The following CNTNAP2 variants were observed in gnomAD, a reference collection of about 807,000 sequenced individuals.
The protein encoded by CNTNAP2 is contactin-associated protein-like 2.
In CNTNAP2, 98 loss-of-function variants were observed where a neutral mutation model predicts 155.2. That is an observed-to-expected ratio of 0.63 (90% CI 0.54 to 0.75). The LOEUF is 0.75. Among genes scored for constraint, CNTNAP2 ranks in the 30% least tolerant of loss-of-function variants. The pLI is 0.00. For synonymous variants in CNTNAP2, 651 were observed against 631.2 expected, an observed-to-expected ratio of 1.03 and a Z score of -0.47; for missense variants, 1,727 against 1,688.1, an observed-to-expected ratio of 1.02 and a Z score of -0.40.
chr7:146,878,164 T>G (rs1795466144), intron 3 of CNTNAP2, among the ~76,000 whole-genome samples: 1 of 152,172 alleles, frequency 6.6e-6, no homozygotes, highest in Non-Finnish European at 1.5e-5. Context: ...AGATATCTTC[T>G]ATTTATTCTT....
intron 11 of CNTNAP2, among the ~76,000 whole-genome samples, chr7:147,509,233 T>C (rs1207535637): frequency 6.6e-6 from 1 of 152,192 alleles, no homozygotes; most frequent in Non-Finnish European, 1.5e-5. Context: ...GCCCCCACTC[T>C]CTGTTCTCCC....
chr7:148,382,250 G>A (rs1433682836), intron 21 of CNTNAP2, among the ~76,000 whole-genome samples: 3 of 152,188 alleles, frequency 2.0e-5, no homozygotes, highest in Non-Finnish European at 2.9e-5. Context: ...GCTGCCACCC[G>A]TGGTTTCTCT....
At chr7:146,407,645 T>A (rs1795811109) in intron 1 of CNTNAP2, among the ~76,000 whole-genome samples, 1 of 152,182 alleles carries the variant, frequency 6.6e-6, no homozygotes, top group African/African-American at 2.4e-5. Context: ...TGCCTCCTAA[T>A]CATCTACTGC....
intron 21 of CNTNAP2, among the ~76,000 whole-genome samples, chr7:148,336,181 C>A (rs1019253134): frequency 6.6e-6 from 1 of 152,128 alleles, no homozygotes; most frequent in Non-Finnish European, 1.5e-5. Flanking sequence ...TTGGTTCTAT[C>A]TTATTTCATA....
chr7:147,832,871 T>G (rs963183032), intron 13 of CNTNAP2, among the ~76,000 whole-genome samples: 2 of 148,550 alleles, frequency 1.3e-5, no homozygotes, highest in African/African-American at 4.9e-5. Context: ...ATTTTATATG[T>G]TATTTATACA....
intron 16 of CNTNAP2, among the ~76,000 whole-genome samples, chr7:148,142,040 G>A (rs1398397361): frequency 2.0e-5 from 3 of 151,528 alleles, no homozygotes; most frequent in African/African-American, 7.3e-5. Context: ...GATAGATAAG[G>A]TCAAAAGAAA....
At chr7:147,949,440 G>GTATACATATATATATATATATA (rs1800883442) in intron 14 of CNTNAP2, among the ~76,000 whole-genome samples, 1 of 127,366 alleles carries the variant, frequency 7.9e-6, no homozygotes, top group Non-Finnish European at 1.7e-5. Flanking sequence ...TCAACTGTGT[G>GTATACATATATATATATATATA]TATATATATA....
intron 10 of CNTNAP2, among the ~76,000 whole-genome samples, chr7:147,402,147 G>C (rs1315486134): frequency 6.6e-6 from 1 of 152,148 alleles, no homozygotes; most frequent in Non-Finnish European, 1.5e-5. Context: ...TGTATATTCG[G>C]TCAACATGGG....
At chr7:147,344,841 C>T (rs1374142570) in intron 9 of CNTNAP2, among the ~76,000 whole-genome samples, 4 of 151,972 alleles carry the variant, frequency 2.6e-5, no homozygotes, top group African/African-American at 9.7e-5. Flanking sequence ...TCATCTGATT[C>T]TTCTGTTGAC....
At chr7:147,883,104 G>C (rs1799547881) in intron 13 of CNTNAP2, among the ~76,000 whole-genome samples, 1 of 152,140 alleles carries the variant, frequency 6.6e-6, no homozygotes. Context: ...TTGTCATTGA[G>C]TGTTGGCTAT....
At chr7:146,797,079 T>C (rs752757516) in intron 2 of CNTNAP2, among the ~76,000 whole-genome samples, 1 of 152,198 alleles carries the variant, frequency 6.6e-6, no homozygotes, top group African/African-American at 2.4e-5. Context: ...GAGCTTGCAG[T>C]GAGCCAAGAT....
intron 13 of CNTNAP2, among the ~76,000 whole-genome samples, chr7:147,874,864 A>G (rs1212282826): frequency 3.9e-5 from 6 of 152,158 alleles, no homozygotes; most frequent in African/African-American, 1.4e-4. Flanking sequence ...TCAAGTTCAA[A>G]GTTCCGCAGA....
chr7:148,320,282 G>GT (rs900267270), intron 21 of CNTNAP2, among the ~76,000 whole-genome samples: 33 of 149,570 alleles, frequency 2.2e-4, no homozygotes, highest in Non-Finnish European at 3.8e-4. Flanking sequence ...TTGTTTGCCT[G>GT]TTTTTTTCTT....
At position 148,136,856 on chromosome 7, in the gene CNTNAP2, A is replaced by G. The variant is rs905099960; in HGVS notation, c.2555-10635A>G. Among the ~76,000 whole-genome samples the G allele has an allele frequency of 2.4e-4, 36 of 152,202 alleles. 1 individual carries two copies. Among genetic ancestry groups the G allele is most frequent in the Admixed American group, 2.4e-3 (36 of 15,266 alleles). The stretch of plus-strand genomic sequence containing the variant: ...ACTAGTCCTAAAAGGGTTCTCACGT[A>G]TTTTATATGCGCAGTCTTTAGGGAG... On this transcript the variant is annotated intron_variant, in intron 16 of 23. Transcript: ENST00000361727.
At chr7:148,056,382 T>G (rs1320711649) in intron 15 of CNTNAP2, 1 of 152,218 alleles carries the variant, frequency 6.6e-6, no homozygotes. Context: ...CAGAAATGTT[T>G]CTATCACTTT....
At chr7:146,615,818 G>A (rs558901850) in intron 1 of CNTNAP2, among the ~76,000 whole-genome samples, 1 of 152,148 alleles carries the variant, frequency 6.6e-6, no homozygotes, top group African/African-American at 2.4e-5. Context: ...GTGGTGTTGG[G>A]TTCCAAAGAT....
chr7:146,201,198 A>G (rs1798854274), intron 1 of CNTNAP2, among the ~76,000 whole-genome samples: 1 of 152,184 alleles, frequency 6.6e-6, no homozygotes, highest in African/African-American at 2.4e-5. Flanking sequence ...ATTAGTGTTA[A>G]TGAAAAGAAA....
At chr7:146,287,706 C>T (rs991418186) in intron 1 of CNTNAP2, among the ~76,000 whole-genome samples, 1 of 152,014 alleles carries the variant, frequency 6.6e-6, no homozygotes, top group East Asian at 1.9e-4. Context: ...TATATTTGAG[C>T]GCATAGAGTT....
intron 3 of CNTNAP2, among the ~76,000 whole-genome samples, chr7:146,898,826 G>T (rs1248005600): frequency 6.6e-6 from 1 of 151,802 alleles, no homozygotes; most frequent in Non-Finnish European, 1.5e-5. Flanking sequence ...GACCTTAAAA[G>T]GGGCCAGCCC....
Sources: allele counts gnomAD v4.1 joint callset (sites outside exome capture counted in the v4.1 genomes callset), GRCh38; gene constraint gnomAD v4.1.1; transcripts MANE v1.5; gene names NCBI Gene and HGNC (gene_info 2026-07-23, HGNC 2026-07-21).